GAK: variants seen among roughly 807,000 people sequenced by gnomAD.
The protein encoded by GAK is cyclin-G-associated kinase.
A neutral mutation model predicts 143.9 loss-of-function variants in GAK; 79 were observed. The ratio of observed to expected loss-of-function variants is 0.55; its 90% CI spans 0.46 to 0.66. The LOEUF (loss-of-function observed/expected upper bound fraction) is 0.66, where lower values mean the gene tolerates loss of function less well. Ranked by LOEUF, GAK falls within the 30% of genes least tolerant of loss-of-function variation. The pLI is 0.00. For missense variants in GAK, 1,693 were observed against 1,779.7 expected, an observed-to-expected ratio of 0.95 and a Z score of 0.88; for synonymous variants, 881 against 765.5, an observed-to-expected ratio of 1.15 and a Z score of -2.49.
At chr4:870,597 T>C (rs1712350395) in intron 19 of GAK, 114 bp downstream of exon 19, 1 of 1,074,906 alleles carries the variant, frequency 9.3e-7, no homozygotes, top group Non-Finnish European at 1.4e-6. Context: ...GCTCAGGGCC[T>C]GGGTGCAGCA....
intron 14 of GAK, among the ~76,000 whole-genome samples, chr4:882,454 C>T (rs570548149): frequency 1.8e-4 from 27 of 152,028 alleles, no homozygotes; most frequent in African/African-American, 4.1e-4. Context: ...CCCCACACAG[C>T]GGAGTGGCCT....
At chr4:855,951 G>A (rs947583309) in intron 24 of GAK, among the ~76,000 whole-genome samples, 2 of 152,188 alleles carry the variant, frequency 1.3e-5, no homozygotes, top group Non-Finnish European at 2.9e-5. Context: ...CAAGACTCTT[G>A]TCTCAAAACA....
intron 1 of GAK, among the ~76,000 whole-genome samples, chr4:927,975 G>A (rs375355147): frequency 1.2e-4 from 18 of 152,290 alleles, no homozygotes; most frequent in African/African-American, 2.9e-4. Flanking sequence ...AGAACAGCAC[G>A]GAGCTTCAGA....
At chr4:929,858 C>G (rs1725392184) in intron 1 of GAK, among the ~76,000 whole-genome samples, 1 of 152,168 alleles carries the variant, frequency 6.6e-6, no homozygotes, top group Non-Finnish European at 1.5e-5. Context: ...TCATAATAAC[C>G]TCATTTGGGA....
Position 882,794 on chromosome 4 carries a change from C to T in GAK, c.1430G>A (p.Arg477Gln), listed in dbSNP as rs777017357. Residue 477 changes from arginine (R) to glutamine (Q), a missense_variant, in exon 14 of 28, where the codon CGG (arginine) becomes CAG (glutamine). Physicochemically the swap from Arg to Gln is conservative, Grantham distance 43. Transcript: ENST00000314167. ...CAGGGTGTGCAGGTGTGGGGCCCGC[C>T]GTGCTGCCCAGCCACACTCGGAGAC... ...NRVSECGWAA[R>Q]RAPHLHTLYN... 1.6e-5 allele frequency: 25 copies of T among 1,610,080 alleles called. No homozygotes were observed. Among genetic ancestry groups the T allele is most frequent in the East Asian group, 4.5e-5 (2 of 44,886 alleles).
intron 5 of GAK, 66 bp from the exon 6 acceptor site, chr4:898,224 G>GA: frequency 3.2e-6 from 5 of 1,584,446 alleles, no homozygotes; most frequent in Non-Finnish European, 4.3e-6. Flanking sequence ...CAGGGAAAAC[G>GA]AACGGGTGTG....
chr4:920,539 A>AATTTTTTTTTTTT (rs766096942), intron 1 of GAK, among the ~76,000 whole-genome samples: 3 of 129,588 alleles, frequency 2.3e-5, no homozygotes, highest in South Asian at 2.5e-4. Flanking sequence ...GTTTAGAGCC[A>AATTTTTTTTTTTT]TTTTTTTTTT....
chr4:903,599 C>T (rs551203425), intron 5 of GAK, among the ~76,000 whole-genome samples: 5 of 147,086 alleles, frequency 3.4e-5, no homozygotes, highest in African/African-American at 1.3e-4. Context: ...GAGGAAGGAG[C>T]GTGGGATGAG....
chr4:850,860 A>G lies in GAK; in HGVS notation c.3657+76T>C, dbSNP rs765183365. Reference sequence around the variant, plus strand: ...GTTGCTGTCTGGAGACGCCGGCTCCATAAGGCACAGCAGATGCTCCAGGGG... The same window carrying G: ...GTTGCTGTCTGGAGACGCCGGCTCCGTAAGGCACAGCAGATGCTCCAGGGG... On this transcript the variant is annotated intron_variant, in intron 26 of 27. Transcript: ENST00000314167. 30 of 1,511,448 alleles carry G rather than the reference A, an allele frequency of 2.0e-5. No homozygotes were observed. The East Asian group carries it at 2.1e-4, about 10-fold the overall frequency. 93.6% of individuals were successfully genotyped at this position (1,511,448 alleles called of 1,614,324 possible). A position where few individuals can be genotyped will look rare whatever the true frequency, so the allele number is the denominator to read the frequency against.
intron 4 of GAK, among the ~76,000 whole-genome samples, chr4:910,212 G>T (rs1435903218): frequency 6.6e-6 from 1 of 152,156 alleles, no homozygotes; most frequent in Non-Finnish European, 1.5e-5. Context: ...TATCCAAGCA[G>T]CTTACACCCC....
chr4:874,871 G>A (rs918473038), intron 18 of GAK, among the ~76,000 whole-genome samples: 12 of 152,112 alleles, frequency 7.9e-5, no homozygotes, highest in Admixed American at 2.6e-4. Context: ...CTCTCTGTAC[G>A]TGTCTTCTTC....
chr4:850,638 G>T, intron 26 of GAK: 1 of 155,518 alleles, frequency 6.4e-6, no homozygotes, highest in Non-Finnish European at 1.4e-5. Context: ...CTCCTGTAAC[G>T]CCCGCCCACC....
chr4:930,360 T>C (rs1449962765), intron 1 of GAK, among the ~76,000 whole-genome samples: 1 of 151,988 alleles, frequency 6.6e-6, no homozygotes, highest in Non-Finnish European at 1.5e-5. Flanking sequence ...ACAAGTTCTT[T>C]TGCACAACCT....
intron 19 of GAK, 116 bp from the exon 20 acceptor site, chr4:868,801 C>G: frequency 9.3e-7 from 1 of 1,071,884 alleles, no homozygotes; most frequent in Non-Finnish European, 1.3e-6. Flanking sequence ...CAGGCCAGGC[C>G]ATCGGTAAAG....
chr4:851,179 C>A (rs1748076875), intron 25 of GAK, 95 bp from the exon 26 acceptor site: 1 of 1,093,590 alleles, frequency 9.1e-7, no homozygotes, highest in Admixed American at 2.2e-5. Flanking sequence ...CTCTCTGCAG[C>A]CTTTGCCTCC....
chr4:862,890 G>A (rs1021923789), intron 23 of GAK, among the ~76,000 whole-genome samples: 22 of 152,228 alleles, frequency 1.4e-4, no homozygotes, highest in African/African-American at 4.3e-4. Flanking sequence ...AGACAGTCAC[G>A]CTGCTTTCAT....
At chr4:849,832 G>GGGGCGC in intron 27 of GAK, 58 bp from the exon 28 acceptor site, 1 of 1,256,598 alleles carries the variant, frequency 8.0e-7, no homozygotes, top group African/African-American at 1.9e-5. Context: ...GGGCGGGGCA[G>GGGGCGC]GACCCCCCCC....
intron 22 of GAK, 108 bp from the exon 23 acceptor site, chr4:865,352 C>G (rs558158495): frequency 5.6e-5 from 80 of 1,417,858 alleles, no homozygotes; most frequent in Non-Finnish European, 7.3e-5. Context: ...ACCTCTTGCA[C>G]CCAGGCTGAG....
chr4:915,362 C>A, intron 1 of GAK: 1 of 186,288 alleles, frequency 5.4e-6, no homozygotes. Flanking sequence ...AGCAGTTCTC[C>A]AAAGACCAAC....
Sources: gnomAD v4.1 joint callset for allele counts (sites outside exome capture counted in the v4.1 genomes callset) on GRCh38, gnomAD v4.1.1 for gene constraint, MANE v1.5 for transcripts, NCBI Gene and HGNC (gene_info 2026-07-23, HGNC 2026-07-21) for gene names.